The following DTNA variants were observed in gnomAD, a reference collection of about 807,000 sequenced individuals.
The protein encoded by DTNA is dystrophin-related protein 3.
In DTNA, 43 loss-of-function variants were observed where a neutral mutation model predicts 100.7. The observed-to-expected ratio is 0.43, with a 90% CI of 0.33 to 0.55. The LOEUF (loss-of-function observed/expected upper bound fraction) is 0.55. Ranked by LOEUF, DTNA falls within the 20% of genes least tolerant of loss-of-function variation. The probability of loss-of-function intolerance (pLI) is 0.04; values close to 1 mark genes in which losing one functional copy is unlikely to be tolerated. For synonymous variants in DTNA, 349 were observed against 347.9 expected (o/e 1.00, Z -0.04); for missense variants, 798 against 953.9 (o/e 0.84, Z 2.15).
chr18:34,688,939 A>G (rs2079316870), intron 1 of DTNA, among the ~76,000 whole-genome samples: 1 of 151,850 alleles, frequency 6.6e-6, no homozygotes, highest in Admixed American at 6.6e-5. Context: ...CGATTCAGCT[A>G]TTGATATTTG....
intron 3 of DTNA, among the ~76,000 whole-genome samples, chr18:34,786,172 A>G (rs530048475): frequency 6.6e-6 from 1 of 152,332 alleles, no homozygotes; most frequent in South Asian, 2.1e-4. Context: ...CAATGCTTAT[A>G]TGCGTGTTCA....
chr18:34,834,573 G>A (rs528297581), intron 11 of DTNA, among the ~76,000 whole-genome samples: 1 of 152,292 alleles, frequency 6.6e-6, no homozygotes, highest in East Asian at 1.9e-4. Flanking sequence ...ATCAGCATCT[G>A]CTTCTGGTGA....
At chr18:34,820,603 C>T (rs1480533562) in intron 8 of DTNA, among the ~76,000 whole-genome samples, 188 bp from the exon 9 acceptor site, 1 of 152,168 alleles carries the variant, frequency 6.6e-6, no homozygotes, top group African/African-American at 2.4e-5. Flanking sequence ...CATTTGCTGA[C>T]ACTGAGCAGC....
chr18:34,556,581 G>C (rs371825958), intron 1 of DTNA, among the ~76,000 whole-genome samples: 13 of 152,152 alleles, frequency 8.5e-5, no homozygotes, highest in African/African-American at 2.4e-4. Context: ...GACAAAATCT[G>C]TCAGCATTTG....
rs1309761402 is a variant in DTNA, at chr18:34,794,346, T to A, written c.362+96T>A. The A allele has an allele frequency of 7.0e-6, 4 of 568,326 alleles. No homozygotes were observed. The East Asian group carries it at 1.7e-4, about 24-fold the overall frequency. 35.2% of individuals were successfully genotyped at this position (568,326 alleles called of 1,614,324 possible). On this transcript the variant is annotated intron_variant, in intron 4 of 22. Transcript: ENST00000444659. ...TCCCAAACAATTTTATATCTCTCTC[T>A]TTTTTTTTTTACTCTCTTTTTTCTT... is the stretch of plus-strand genomic sequence containing the variant.
rs2096956789 is a variant in DTNA at position 34,890,147 on chromosome 18, G to A, written c.*2413G>A. ...GTTCGTCTAAGATTTGAACTGTTCT[G>A]CTGATAACCTTCCCCGTTGTCATAG... is the stretch of plus-strand genomic sequence containing the variant. On this transcript the variant is annotated 3_prime_UTR_variant, in exon 23 of 23. Transcript: ENST00000444659. The A allele has an allele frequency of 4.2e-6, 6 of 1,434,678 alleles. No homozygotes were observed. In the African/African-American group the frequency reaches 5.7e-5, roughly 14 times the overall value. The allele number at this position is 1,434,678 out of a possible 1,614,324, so 88.9% of individuals were successfully genotyped here.
chr18:34,709,878 A>G (rs1284396666), upstream of DTNA, among the ~76,000 whole-genome samples: 1 of 152,194 alleles, frequency 6.6e-6, no homozygotes, highest in Non-Finnish European at 1.5e-5. Flanking sequence ...TTTACTGAAT[A>G]CATTACTGCA....
chr18:34,835,739 C>T (rs952498786), intron 11 of DTNA, among the ~76,000 whole-genome samples: 1 of 152,196 alleles, frequency 6.6e-6, no homozygotes, highest in African/African-American at 2.4e-5. Context: ...CATCTTCCTC[C>T]CATAGAAGTT....
chr18:34,804,204 G>C (rs185656462), intron 4 of DTNA, among the ~76,000 whole-genome samples: 3 of 152,274 alleles, frequency 2.0e-5, no homozygotes, highest in Admixed American at 1.3e-4. Flanking sequence ...ATGTTAGGAG[G>C]GGGAGGGGCC....
chr18:34,621,215 G>T (rs2056437033), intron 1 of DTNA, among the ~76,000 whole-genome samples: 1 of 147,838 alleles, frequency 6.8e-6, no homozygotes, highest in African/African-American at 2.5e-5. Flanking sequence ...TGTACATATT[G>T]TATATTACAT....
At chr18:34,687,276 T>C (rs2079038586) in intron 1 of DTNA, among the ~76,000 whole-genome samples, 1 of 152,240 alleles carries the variant, frequency 6.6e-6, no homozygotes, top group Non-Finnish European at 1.5e-5. Context: ...CCTGTGGGCA[T>C]TTAGTGCTAT....
Position 34,863,990 on chromosome 18 carries a change from G to A in DTNA, c.1671G>A (p.Gln557=), listed in dbSNP as rs769341407. The change falls in exon 17 of 23, where the codon CAG becomes CAA. Residue 557 remains glutamine, a synonymous_variant. Transcript: ENST00000444659. ...GACAGCGCAAAGATGAGCTGGAACA[G>A]AGAATGTCTGCTCTCCAGGAGAGCC... The part of the protein sequence containing the change: ...LLRQRKDELE[Q]RMSALQESRR... 1.4e-5 allele frequency: 22 copies of A among 1,611,874 alleles called. No homozygotes were observed. Among genetic ancestry groups the A allele is most frequent in the Non-Finnish European group, 1.9e-5 (22 of 1,179,126 alleles).
intron 1 of DTNA, among the ~76,000 whole-genome samples, chr18:34,496,132 C>T (rs940896982): frequency 4.6e-5 from 7 of 150,796 alleles, no homozygotes; most frequent in Admixed American, 6.6e-5. Context: ...TCCAACTAAA[C>T]GGCACGGAAA....
At chr18:34,682,559 T>C (rs73416420) in intron 1 of DTNA, among the ~76,000 whole-genome samples, 3,706 of 152,264 alleles carry the variant, frequency 0.024, 174 homozygotes, top group African/African-American at 0.085. Flanking sequence ...TAGAATTTGG[T>C]CATTCTAATA....
At chr18:34,501,026 C>T (rs988005506) in intron 1 of DTNA, among the ~76,000 whole-genome samples, 3 of 152,078 alleles carry the variant, frequency 2.0e-5, no homozygotes, top group Admixed American at 2.0e-4. Context: ...AGCATCTTTG[C>T]CTTTTGCTAA....
At chr18:34,730,013 T>G (rs948325159) in intron 1 of DTNA, among the ~76,000 whole-genome samples, 1 of 152,112 alleles carries the variant, frequency 6.6e-6, no homozygotes, top group Non-Finnish European at 1.5e-5. Flanking sequence ...AACTCATCTC[T>G]CCACAGTTCC....
At chr18:34,526,251 A>G (rs1391857986) in intron 1 of DTNA, among the ~76,000 whole-genome samples, 1 of 152,108 alleles carries the variant, frequency 6.6e-6, no homozygotes, top group Non-Finnish European at 1.5e-5. Context: ...TGATTTAATG[A>G]CCTTTGTCTT....
chr18:34,665,324 G>C (rs549416793), intron 1 of DTNA, among the ~76,000 whole-genome samples: 1 of 152,204 alleles, frequency 6.6e-6, no homozygotes, highest in African/African-American at 2.4e-5. Flanking sequence ...ATTTGTCAAT[G>C]AAATTGTGTC....
At chr18:34,854,149 T>C (rs1167934694) in intron 15 of DTNA, among the ~76,000 whole-genome samples, 1 of 151,872 alleles carries the variant, frequency 6.6e-6, no homozygotes, top group African/African-American at 2.4e-5. Flanking sequence ...CAATGGGGAG[T>C]AGGAGAATGG....
Sources: allele counts gnomAD v4.1 joint callset (sites outside exome capture counted in the v4.1 genomes callset), GRCh38; gene constraint gnomAD v4.1.1; transcripts MANE v1.5; gene names NCBI Gene and HGNC (gene_info 2026-07-23, HGNC 2026-07-21).